NBAS: variants seen among roughly 807,000 people sequenced by gnomAD.
NBAS encodes the protein NAG/BC035112 fusion.
NBAS carries 219 observed loss-of-function variants against 302.5 expected under a neutral mutation model. The observed-to-expected ratio is 0.72, with a 90% CI of 0.65 to 0.81. The LOEUF (loss-of-function observed/expected upper bound fraction) is 0.81. Ranked by LOEUF, NBAS falls within the 30% of genes least tolerant of loss-of-function variation. The probability of loss-of-function intolerance (pLI) is 0.00; values close to 1 mark genes in which losing one functional copy is unlikely to be tolerated. For synonymous variants in NBAS, 1,118 were observed against 1,021.6 expected, an observed-to-expected ratio of 1.09 and a Z score of -1.80; for missense variants, 2,932 against 2,841.6, an observed-to-expected ratio of 1.03 and a Z score of -0.72.
At chr2:15,024,340 G>GTA in the NBAS span, among the ~76,000 whole-genome samples, 15 of 152,076 alleles carry the variant, frequency 9.9e-5, no homozygotes, top group African/African-American at 3.6e-4. Context: ...GTATTACATG[G>GTA]TATATATGTA....
chr2:15,338,192 T>C lies in NBAS; in HGVS notation c.4180-7427A>G, dbSNP rs574749330. ...CTATGACAAATTATCTACCTGGGAG[T>C]AACTTTCTCCCATGTCTGGCAATAA... is the stretch of plus-strand genomic sequence containing the variant. On this transcript the variant is annotated intron_variant, in intron 35 of 51. Coordinates refer to ENST00000281513, the MANE Select transcript of NBAS (RefSeq NM_015909.4). Among the ~76,000 whole-genome samples the C allele has an allele frequency of 5.9e-5, 9 of 152,248 alleles. No individual in the cohort carries two copies. In the South Asian group the frequency reaches 1.9e-3, roughly 32 times the overall value.
At chr2:14,783,610 G>C in the NBAS span, among the ~76,000 whole-genome samples, 2 of 151,032 alleles carry the variant, frequency 1.3e-5, no homozygotes, top group Non-Finnish European at 2.9e-5. Context: ...TGAGAATGAT[G>C]ATTTCCAATT....
At chr2:15,333,570 G>A (rs1672445473) in intron 35 of NBAS, among the ~76,000 whole-genome samples, 2 of 152,050 alleles carry the variant, frequency 1.3e-5, no homozygotes, top group South Asian at 4.1e-4. Context: ...AGTGACACTG[G>A]AAACATAATG....
chr2:15,414,671 G>A (rs904381342), intron 25 of NBAS, among the ~76,000 whole-genome samples: 1 of 152,286 alleles, frequency 6.6e-6, no homozygotes, highest in South Asian at 2.1e-4. Context: ...TCGGCCGTGC[G>A]CAGTGGCTCA....
chr2:15,157,183 C>T, the NBAS span, among the ~76,000 whole-genome samples: 2 of 152,124 alleles, frequency 1.3e-5, no homozygotes, highest in East Asian at 1.9e-4. Context: ...TGTCTGATGG[C>T]GAGGTTGCAT....
chr2:15,303,434 C>T (rs898709117), intron 40 of NBAS, among the ~76,000 whole-genome samples: 1 of 152,218 alleles, frequency 6.6e-6, no homozygotes, highest in African/African-American at 2.4e-5. Context: ...ATAAAACACA[C>T]TTTCCACCAA....
the NBAS span, among the ~76,000 whole-genome samples, chr2:14,861,067 C>T: frequency 6.6e-6 from 1 of 152,142 alleles, no homozygotes; most frequent in Non-Finnish European, 1.5e-5. Flanking sequence ...TTTATTACAT[C>T]TAAATGATGC....
chr2:14,911,273 G>A, the NBAS span, among the ~76,000 whole-genome samples: 1 of 152,190 alleles, frequency 6.6e-6, no homozygotes, highest in South Asian at 2.1e-4. Context: ...GTCAGAAAAT[G>A]TGCATTTGTT....
At chr2:15,338,786 G>A (rs1475420717) in intron 35 of NBAS, among the ~76,000 whole-genome samples, 2 of 151,886 alleles carry the variant, frequency 1.3e-5, no homozygotes, top group Non-Finnish European at 2.9e-5. Context: ...GAAGCAGGAG[G>A]GTCACTTGAG....
chr2:15,547,985 T>C (rs1420900605), intron 6 of NBAS, among the ~76,000 whole-genome samples: 1 of 152,212 alleles, frequency 6.6e-6, no homozygotes, highest in African/African-American at 2.4e-5. Context: ...TATACATGTA[T>C]ACATAAGGAA....
the NBAS span, among the ~76,000 whole-genome samples, chr2:14,828,847 TG>T: frequency 3.3e-5 from 5 of 152,158 alleles, no homozygotes; most frequent in African/African-American, 4.8e-5. Context: ...TCATAGGTGT[TG>T]GGGTTGAAAT....
chr2:15,341,647 G>A (rs1672858516), intron 35 of NBAS, among the ~76,000 whole-genome samples: 1 of 152,040 alleles, frequency 6.6e-6, no homozygotes, highest in African/African-American at 2.4e-5. Flanking sequence ...TGAAGAAACA[G>A]CGGGATAGAA....
the NBAS span, among the ~76,000 whole-genome samples, chr2:14,842,022 A>C: frequency 6.6e-6 from 1 of 152,030 alleles, no homozygotes; most frequent in Non-Finnish European, 1.5e-5. Context: ...ACTAGAAATC[A>C]ATAATGAGAG....
the NBAS span, among the ~76,000 whole-genome samples, chr2:14,999,916 T>C: frequency 6.6e-6 from 1 of 152,216 alleles, no homozygotes; most frequent in Non-Finnish European, 1.5e-5. Flanking sequence ...TAACAATGCA[T>C]AGGGTAGTGT....
intron 45 of NBAS, among the ~76,000 whole-genome samples, chr2:15,235,694 T>G (rs1000283787): frequency 2.0e-5 from 3 of 152,168 alleles, no homozygotes; most frequent in Non-Finnish European, 4.4e-5. Flanking sequence ...AATGAAAAGA[T>G]GACTGAGATT....
At chr2:14,885,218 A>C in the NBAS span, among the ~76,000 whole-genome samples, 1 of 152,188 alleles carries the variant, frequency 6.6e-6, no homozygotes, top group African/African-American at 2.4e-5. Context: ...TTGTTTAGGG[A>C]AGAGATAATG....
the NBAS span, among the ~76,000 whole-genome samples, chr2:15,092,454 G>C: frequency 6.6e-6 from 1 of 152,194 alleles, no homozygotes; most frequent in African/African-American, 2.4e-5. Context: ...GACTTGGAGA[G>C]TTCAGAGTAA....
At chr2:14,944,955 A>G in the NBAS span, among the ~76,000 whole-genome samples, 1 of 152,196 alleles carries the variant, frequency 6.6e-6, no homozygotes, top group Non-Finnish European at 1.5e-5. Context: ...GAGAAGCATC[A>G]TGAGTGCCTG....
Position 15,407,198 on chromosome 2 carries a change from C to T in NBAS, c.2938-4897G>A, listed in dbSNP as rs574935629. 2.0e-4 allele frequency among the ~76,000 whole-genome samples: 30 copies of T among 152,256 alleles called. No individual in the cohort carries two copies. In the South Asian group the frequency reaches 6.2e-3, roughly 32 times the overall value. ...ATTTTATTAGATTTAGATTTATATC[C>T]ATATGTGGCTAGTGACTACCATTTT... On this transcript the variant is annotated intron_variant, in intron 25 of 51. Transcript: ENST00000281513.
Sources: gnomAD v4.1 joint callset for allele counts (sites outside exome capture counted in the v4.1 genomes callset) on GRCh38, gnomAD v4.1.1 for gene constraint, MANE v1.5 for transcripts, NCBI Gene and HGNC (gene_info 2026-07-23, HGNC 2026-07-21) for gene names.